Variants in LSAMP observed in about 807,000 individuals in gnomAD.
The protein encoded by LSAMP is limbic system-associated membrane protein.
A neutral mutation model predicts 38.6 loss-of-function variants in LSAMP; 7 were observed. The observed-to-expected ratio is 0.18, with a 90% confidence interval of 0.10 to 0.34. LSAMP has a LOEUF of 0.34. Among genes scored for constraint, LSAMP ranks in the 10% least tolerant of loss-of-function variants. The pLI is 1.00. For synonymous variants in LSAMP, 154 were observed against 166.8 expected (o/e 0.92, Z 0.59); for missense variants, 313 against 420.0 (o/e 0.75, Z 2.23).
intron 2 of LSAMP, among the ~76,000 whole-genome samples, chr3:116,058,376 C>T (rs1920387): frequency 6.6e-6 from 1 of 151,188 alleles, no homozygotes; most frequent in Admixed American, 6.6e-5. Context: ...AACCTGTTTT[C>T]TAAACCAGAG....
In LSAMP at chr3:115,981,424, TA is replaced by T. The variant is rs530365797; in HGVS notation, c.514+38090del. Among the ~76,000 whole-genome samples, 790 of 149,628 alleles carry T rather than the reference TA, an allele frequency of 5.3e-3. 4 individuals are homozygous for T. Among genetic ancestry groups the T allele is most frequent in the Middle Eastern group, 0.028 (8 of 290 alleles). On this transcript the variant is annotated intron_variant, in intron 3 of 6. Transcript: ENST00000490035. The stretch of plus-strand genomic sequence containing the variant: ...TCCCTATTGTTGACAGTATGATCTT[TA>T]AAAAAAAAACTGTATCTTTTGAAAG...
chr3:116,251,465 C>G (rs562037713), intron 1 of LSAMP, among the ~76,000 whole-genome samples: 3 of 152,156 alleles, frequency 2.0e-5, no homozygotes, highest in African/African-American at 7.2e-5. Context: ...TTACCCATAA[C>G]GTTAATCACA....
chr3:116,302,713 C>A (rs1311324778), intron 1 of LSAMP, among the ~76,000 whole-genome samples: 1 of 152,130 alleles, frequency 6.6e-6, no homozygotes, highest in African/African-American at 2.4e-5. Flanking sequence ...AAACCATTCT[C>A]CTATAATGGC....
chr3:115,907,878 G>C (rs918968845), intron 3 of LSAMP, among the ~76,000 whole-genome samples: 1 of 152,082 alleles, frequency 6.6e-6, no homozygotes. Context: ...GCTTCTCAAG[G>C]CCTTTTTATT....
intron 1 of LSAMP, among the ~76,000 whole-genome samples, chr3:116,400,275 C>T (rs2048821083): frequency 6.6e-6 from 1 of 152,104 alleles, no homozygotes; most frequent in Non-Finnish European, 1.5e-5. Flanking sequence ...AATCATTACA[C>T]ATCCAAAAAG....
At chr3:116,256,552 A>G (rs952531130) in intron 1 of LSAMP, among the ~76,000 whole-genome samples, 1 of 152,190 alleles carries the variant, frequency 6.6e-6, no homozygotes, top group Non-Finnish European at 1.5e-5. Flanking sequence ...AATATATAAC[A>G]TGCCTTTATC....
rs1230301112 is a variant in LSAMP at position 116,086,483 on chromosome 3, T to G, written c.229A>C (p.Lys77Gln). Residue 77 changes from lysine (K) to glutamine (Q), a missense_variant, in exon 2 of 7, where the codon AAG becomes CAG. By Grantham distance (53) the Lys-to-Gln change is moderately conservative (BLOSUM62 1). Transcript: ENST00000490035. ...TCAACCCGTGGGTCCAGAGACCACTTGTCATGTCCAGCAAAAATGATGCCA... is the reference window on the plus strand; with the variant it reads ...TCAACCCGTGGGTCCAGAGACCACTGGTCATGTCCAGCAAAAATGATGCCA... ...RSGIIFAGHD[K>Q]WSLDPRVELE... 6.2e-7 allele frequency: 1 copy of G among 1,614,148 alleles called. No individual in the cohort carries two copies. The highest frequency in any genetic ancestry group is 8.5e-7 in the Non-Finnish European group (1 of 1,180,026).
intron 1 of LSAMP, among the ~76,000 whole-genome samples, chr3:116,352,370 T>A (rs867003022): frequency 6.6e-6 from 1 of 152,088 alleles, no homozygotes; most frequent in Non-Finnish European, 1.5e-5. Flanking sequence ...CATTCAACCC[T>A]AACTTACATG....
At chr3:116,444,683 A>G (rs1461991620) in intron 1 of LSAMP, among the ~76,000 whole-genome samples, 194 bp downstream of exon 1, 1 of 151,348 alleles carries the variant, frequency 6.6e-6, no homozygotes, top group African/African-American at 2.4e-5. Context: ...GAATTTTGTT[A>G]GCTATAATGC....
intron 1 of LSAMP, among the ~76,000 whole-genome samples, chr3:116,312,782 G>C (rs1463575358): frequency 6.6e-6 from 1 of 152,108 alleles, no homozygotes; most frequent in Non-Finnish European, 1.5e-5. Context: ...ATGAAAACAA[G>C]AGAATAATGT....
chr3:116,211,934 C>T (rs2046162314), intron 1 of LSAMP, among the ~76,000 whole-genome samples: 1 of 152,156 alleles, frequency 6.6e-6, no homozygotes, highest in Admixed American at 6.5e-5. Context: ...GGGTTAGTTC[C>T]AAGCTTCCAT....
intron 6 of LSAMP, among the ~76,000 whole-genome samples, chr3:115,828,933 C>G (rs1372501532): frequency 6.6e-6 from 1 of 152,074 alleles, no homozygotes; most frequent in Admixed American, 6.6e-5. Context: ...GCAGGCAGAT[C>G]CAGATTCGAA....
chr3:115,864,676 T>A (rs112725737), intron 3 of LSAMP, among the ~76,000 whole-genome samples: 8 of 152,248 alleles, frequency 5.3e-5, no homozygotes, highest in African/African-American at 1.9e-4. Context: ...GTGGGGAACT[T>A]CTAAGTTCCC....
chr3:116,055,568 A>C (rs779191079), intron 2 of LSAMP, among the ~76,000 whole-genome samples: 5 of 148,222 alleles, frequency 3.4e-5, no homozygotes, highest in South Asian at 4.1e-4. Context: ...AAAAATGAAA[A>C]TGACTACATT....
intron 1 of LSAMP, among the ~76,000 whole-genome samples, chr3:116,167,303 A>G (rs1163058137): frequency 6.6e-6 from 1 of 152,058 alleles, no homozygotes; most frequent in Non-Finnish European, 1.5e-5. Context: ...ATGCTTTTGC[A>G]TCTTCATATC....
intron 6 of LSAMP, among the ~76,000 whole-genome samples, chr3:115,820,463 C>A (rs1032176822): frequency 6.6e-6 from 1 of 152,114 alleles, no homozygotes; most frequent in Non-Finnish European, 1.5e-5. Flanking sequence ...GATCTTAGCT[C>A]CTGATGAGGT....
chr3:116,444,394 C>CAT (rs1344003084), intron 1 of LSAMP, among the ~76,000 whole-genome samples: 1 of 147,790 alleles, frequency 6.8e-6, no homozygotes, highest in Non-Finnish European at 1.5e-5. Flanking sequence ...GCATGAAAAA[C>CAT]ACACACACAC....
At chr3:116,074,844 C>CTTTTTTTTTTTTTTTTTTTTTTTTTTTTT (rs1161460100) in intron 2 of LSAMP, among the ~76,000 whole-genome samples, 1 of 128,408 alleles carries the variant, frequency 7.8e-6, no homozygotes, top group African/African-American at 3.1e-5. Flanking sequence ...TTTCTTTATT[C>CTTTTTTTTTTTTTTTTTTTTTTTTTTTTT]TTTTTTTTTT....
chr3:115,992,717 A>G (rs1939706724), intron 3 of LSAMP, among the ~76,000 whole-genome samples: 1 of 152,128 alleles, frequency 6.6e-6, no homozygotes, highest in Non-Finnish European at 1.5e-5. Flanking sequence ...AAAGATGACT[A>G]AAGGGTAATA....
Sources: gnomAD v4.1 joint callset for allele counts (sites outside exome capture counted in the v4.1 genomes callset) on GRCh38, gnomAD v4.1.1 for gene constraint, MANE v1.5 for transcripts, NCBI Gene and HGNC (gene_info 2026-07-23, HGNC 2026-07-21) for gene names.